The following PLXNA4 variants were observed in gnomAD, a reference collection of about 807,000 sequenced individuals.
The protein encoded by PLXNA4 is plexin A4.
A neutral mutation model predicts 191.8 loss-of-function variants in PLXNA4; 44 were observed. The ratio of observed to expected loss-of-function variants is 0.23; its 90% confidence interval spans 0.18 to 0.29. PLXNA4 has a LOEUF of 0.29. Among genes scored for constraint, PLXNA4 ranks in the 10% least tolerant of loss-of-function variants. The probability of loss-of-function intolerance (pLI) is 1.00; values close to 1 mark genes in which losing one functional copy is unlikely to be tolerated. For missense variants in PLXNA4, 1,800 were observed against 2,488.8 expected (o/e 0.72, Z 5.89); for synonymous variants, 1,082 against 1,009.5 (o/e 1.07, Z -1.36).
chr7:132,317,330 G>A (rs1354818780), intron 3 of PLXNA4, among the ~76,000 whole-genome samples: 1 of 151,844 alleles, frequency 6.6e-6, no homozygotes, highest in African/African-American at 2.4e-5. Flanking sequence ...GAGTTGGGTT[G>A]GGTTGGGTTG....
intron 14 of PLXNA4, among the ~76,000 whole-genome samples, chr7:132,189,010 GAGAGAGA>G (rs1796993783): frequency 2.9e-5 from 2 of 69,048 alleles, no homozygotes; most frequent in Non-Finnish European, 6.7e-5. Flanking sequence ...GAGAGAGAGA[GAGAGAGA>G]GAGAGAGAGA....
chr7:132,365,328 C>CGCGTGTGTGTGTGT (rs142768008), intron 3 of PLXNA4, among the ~76,000 whole-genome samples: 47 of 143,070 alleles, frequency 3.3e-4, no homozygotes, highest in African/African-American at 1.1e-3. Flanking sequence ...CTACGGCCCG[C>CGCGTGTGTGTGTGT]GTGTGTGTGT....
At chr7:132,494,229 G>A (rs537120627) in intron 2 of PLXNA4, among the ~76,000 whole-genome samples, 27 of 152,190 alleles carry the variant, frequency 1.8e-4, no homozygotes, top group Non-Finnish European at 3.2e-4. Context: ...TCCAGAATCC[G>A]ATAGACATTT....
At chr7:132,290,274 G>C (rs1014971672) in intron 4 of PLXNA4, among the ~76,000 whole-genome samples, 2 of 152,246 alleles carry the variant, frequency 1.3e-5, no homozygotes, top group African/African-American at 4.8e-5. Context: ...AGGAAGGAAA[G>C]GGCTGGTGTG....
chr7:132,563,271 CCTCCTCCTCCTT>C (rs1801425400), intron 1 of PLXNA4, among the ~76,000 whole-genome samples: 2 of 118,742 alleles, frequency 1.7e-5, no homozygotes, highest in East Asian at 6.2e-4. Flanking sequence ...TCCTCTTCAT[CCTCCTCCTCCTT>C]CTCCTCCTCC....
At chr7:132,172,848 A>G (rs1200696854) in intron 21 of PLXNA4, among the ~76,000 whole-genome samples, 1 of 152,124 alleles carries the variant, frequency 6.6e-6, no homozygotes, top group Non-Finnish European at 1.5e-5. Context: ...AAGGAGAATA[A>G]CTTTATATAC....
At chr7:132,362,152 C>A (rs1803969062) in intron 3 of PLXNA4, among the ~76,000 whole-genome samples, 1 of 152,164 alleles carries the variant, frequency 6.6e-6, no homozygotes, top group Admixed American at 6.5e-5. Context: ...ATTTAGAGGA[C>A]TTTATACATC....
At chr7:132,198,367 G>C in intron 13 of PLXNA4, 118 bp downstream of exon 13, 1 of 1,410,602 alleles carries the variant, frequency 7.1e-7, no homozygotes, top group East Asian at 2.4e-5. Flanking sequence ...TATTGGGGTG[G>C]TTCTCCTTTT....
upstream of PLXNA4, among the ~76,000 whole-genome samples, chr7:132,580,638 C>T (rs1802384620): frequency 6.6e-6 from 1 of 152,188 alleles, no homozygotes; most frequent in Non-Finnish European, 1.5e-5. Context: ...AATAAAAGGA[C>T]CAGTTTAATA....
At chr7:132,522,820 T>C (rs1248378963) in intron 1 of PLXNA4, among the ~76,000 whole-genome samples, 1 of 152,106 alleles carries the variant, frequency 6.6e-6, no homozygotes, top group Admixed American at 6.6e-5. Flanking sequence ...GAGTCATCAC[T>C]GGGGATTGTA....
At chr7:132,407,436 G>C (rs944298610) in intron 3 of PLXNA4, among the ~76,000 whole-genome samples, 1 of 152,270 alleles carries the variant, frequency 6.6e-6, no homozygotes, top group South Asian at 2.1e-4. Flanking sequence ...TTCCTCCAGG[G>C]ATGTAGATGC....
intron 3 of PLXNA4, among the ~76,000 whole-genome samples, chr7:132,448,674 A>G (rs1194017477): frequency 2.0e-5 from 3 of 152,204 alleles, no homozygotes; most frequent in Non-Finnish European, 4.4e-5. Context: ...TTCTCTAAGG[A>G]AAGCAGTTAT....
chr7:132,169,241 C>T (rs149987591), intron 21 of PLXNA4, among the ~76,000 whole-genome samples: 43 of 152,366 alleles, frequency 2.8e-4, no homozygotes, highest in African/African-American at 1.0e-3. Context: ...TAAGACCCTG[C>T]TCTATGCAGG....
At chr7:132,494,509 C>A (rs1395285379) in intron 2 of PLXNA4, among the ~76,000 whole-genome samples, 1 of 152,166 alleles carries the variant, frequency 6.6e-6, no homozygotes, top group Non-Finnish European at 1.5e-5. Flanking sequence ...AGCATCCCGA[C>A]TCGGGAGCAG....
intron 3 of PLXNA4, among the ~76,000 whole-genome samples, chr7:132,379,389 G>A (rs1211934214): frequency 6.6e-6 from 1 of 152,288 alleles, no homozygotes; most frequent in Non-Finnish European, 1.5e-5. Flanking sequence ...GATATGACCT[G>A]GCTTTTACAA....
At chr7:132,567,980 T>A (rs760975109) in intron 1 of PLXNA4, among the ~76,000 whole-genome samples, 7 of 151,904 alleles carry the variant, frequency 4.6e-5, no homozygotes, top group Admixed American at 6.6e-5. Context: ...GAAGATAGGG[T>A]CAGTATCTAA....
At chr7:132,542,742 A>C (rs554502992) in intron 1 of PLXNA4, among the ~76,000 whole-genome samples, 1 of 152,188 alleles carries the variant, frequency 6.6e-6, no homozygotes. Flanking sequence ...TTCATTAATT[A>C]TCTCTTCAGC....
intron 1 of PLXNA4, among the ~76,000 whole-genome samples, chr7:132,530,567 A>G (rs1202812241): frequency 1.3e-5 from 2 of 152,252 alleles, no homozygotes; most frequent in African/African-American, 4.8e-5. Flanking sequence ...GAATGGCTAT[A>G]ATCAAGAAAA....
chr7:132,294,040 G>C (rs1800987163), intron 4 of PLXNA4, among the ~76,000 whole-genome samples: 1 of 152,214 alleles, frequency 6.6e-6, no homozygotes, highest in South Asian at 2.1e-4. Context: ...TTCTTATGGA[G>C]TTTACATTTT....
Sources: allele counts gnomAD v4.1 joint callset (sites outside exome capture counted in the v4.1 genomes callset), GRCh38; gene constraint gnomAD v4.1.1; transcripts MANE v1.5; gene names NCBI Gene and HGNC (gene_info 2026-07-23, HGNC 2026-07-21).